CERS3: variants seen among roughly 807,000 people sequenced by gnomAD.
CERS3 encodes LAG1 homolog, ceramide synthase 3.
A neutral mutation model predicts 50.3 loss-of-function variants in CERS3; 33 were observed. The observed-to-expected ratio is 0.66, with a 90% CI of 0.50 to 0.88. CERS3 has a LOEUF of 0.88. CERS3 is among the 40% of genes least tolerant of loss of function. CERS3 has a pLI of 0.00. For synonymous variants in CERS3, 176 were observed against 155.2 expected, an observed-to-expected ratio of 1.13 and a Z score of -0.99; for missense variants, 470 against 460.3, an observed-to-expected ratio of 1.02 and a Z score of -0.19.
intron 11 of CERS3, among the ~76,000 whole-genome samples, chr15:100,410,813 G>C (rs568208751): frequency 6.6e-6 from 1 of 152,146 alleles, no homozygotes; most frequent in Admixed American, 6.5e-5. Flanking sequence ...AATTTCTGTG[G>C]CAAAATGCAC....
chr15:100,488,571 A>G (rs773999107), intron 4 of CERS3, among the ~76,000 whole-genome samples: 1 of 151,748 alleles, frequency 6.6e-6, no homozygotes, highest in Non-Finnish European at 1.5e-5. Flanking sequence ...TAAGTCATGA[A>G]CTCTGTCCTC....
chr15:100,417,810 A>C lies in CERS3; in HGVS notation c.1000-14945T>G, dbSNP rs550278345. ...GCAGCCTAACTGAGAGGCACCCCCC[A>C]GCAAGGGCACACTGACACCTCACAC... On this transcript the variant is annotated intron_variant, in intron 11 of 11. Coordinates refer to ENST00000679737, the MANE Select transcript of CERS3 (RefSeq NM_001378789.1). 5.7e-4 allele frequency among the ~76,000 whole-genome samples: 86 copies of C among 151,956 alleles called. 4 individuals carry two copies. Among genetic ancestry groups the C allele is most frequent in the African/African-American group, 2.0e-3 (84 of 41,198 alleles).
intron 11 of CERS3, among the ~76,000 whole-genome samples, chr15:100,412,070 A>C (rs770457702): frequency 1.3e-5 from 2 of 152,116 alleles, no homozygotes; most frequent in Non-Finnish European, 2.9e-5. Flanking sequence ...GGTTACCTTT[A>C]ACTCTGTTGA....
intron 11 of CERS3, among the ~76,000 whole-genome samples, chr15:100,426,893 T>TC (rs1253541360): frequency 2.6e-5 from 4 of 152,166 alleles, no homozygotes; most frequent in Non-Finnish European, 5.9e-5. Context: ...TTATCCCCAA[T>TC]CCCTGCCTTT....
intron 4 of CERS3, among the ~76,000 whole-genome samples, chr15:100,489,667 T>C (rs990982041): frequency 6.6e-6 from 1 of 152,100 alleles, no homozygotes; most frequent in Non-Finnish European, 1.5e-5. Context: ...ATTTGAAACA[T>C]ATAAAGGGAT....
At position 100,446,364 on chromosome 15, in the gene CERS3, G is replaced by GTTTT. The variant is rs11449303; in HGVS notation, c.999+9525_999+9528dup. Among the ~76,000 whole-genome samples the GTTTT allele has an allele frequency of 4.7e-5, 6 of 128,552 alleles. 2 individuals are homozygous for GTTTT. Among genetic ancestry groups the GTTTT allele is most frequent in the Non-Finnish European group, 6.4e-5 (4 of 62,376 alleles). 84.3% of individuals were successfully genotyped at this position (128,552 alleles called of 152,430 possible). ...TTCAGTTCAAGAAGAAACTTCTCAG[G>GTTTT]TTTTTTTTTTTTTTTTTCTTTAGAT... On this transcript the variant is annotated intron_variant, in intron 11 of 11. Coordinates refer to ENST00000679737, the MANE Select transcript of CERS3 (RefSeq NM_001378789.1).
At chr15:100,447,394 G>A (rs2142171992) in intron 11 of CERS3, among the ~76,000 whole-genome samples, 1 of 152,298 alleles carries the variant, frequency 6.6e-6, no homozygotes, top group Non-Finnish European at 1.5e-5. Flanking sequence ...CCAGACCAAA[G>A]CAATGTACAT....
chr15:100,488,531 C>T (rs951089931), intron 4 of CERS3, among the ~76,000 whole-genome samples: 1 of 152,106 alleles, frequency 6.6e-6, no homozygotes, highest in African/African-American at 2.4e-5. Context: ...TATGGTGAGA[C>T]GAGTTTGTTT....
intron 1 of CERS3, among the ~76,000 whole-genome samples, chr15:100,539,349 G>C (rs118153808): frequency 6.6e-6 from 1 of 152,282 alleles, no homozygotes; most frequent in African/African-American, 2.4e-5. Context: ...ACTCTCTGCA[G>C]TACTAATGTA....
chr15:100,465,317 A>G (rs142006919), intron 10 of CERS3, among the ~76,000 whole-genome samples: 59 of 152,298 alleles, frequency 3.9e-4, no homozygotes, highest in African/African-American at 1.3e-3. Context: ...GGATAGAATA[A>G]AGCATCCTCG....
intron 4 of CERS3, among the ~76,000 whole-genome samples, chr15:100,490,101 G>T (rs1227303160): frequency 6.6e-6 from 1 of 152,176 alleles, no homozygotes; most frequent in African/African-American, 2.4e-5. Flanking sequence ...CACTTTTGGA[G>T]AAGTTTTGTT....
intron 11 of CERS3, among the ~76,000 whole-genome samples, chr15:100,449,300 C>T (rs1353031421): frequency 6.6e-6 from 1 of 152,220 alleles, no homozygotes; most frequent in Non-Finnish European, 1.5e-5. Context: ...ACTGCCAACA[C>T]CAATGCAGAC....
chr15:100,441,718 C>T (rs2033688374), intron 11 of CERS3, among the ~76,000 whole-genome samples: 1 of 152,122 alleles, frequency 6.6e-6, no homozygotes. Flanking sequence ...TTTTTCCATC[C>T]TACAAAATCT....
intron 11 of CERS3, among the ~76,000 whole-genome samples, chr15:100,415,974 A>G (rs2031870994): frequency 6.6e-6 from 1 of 152,022 alleles, no homozygotes. Flanking sequence ...ACACCACTGG[A>G]AAAAAATCAC....
intron 1 of CERS3, among the ~76,000 whole-genome samples, chr15:100,537,106 A>G (rs1434508262): frequency 6.6e-6 from 1 of 152,170 alleles, no homozygotes; most frequent in African/African-American, 2.4e-5. Context: ...GAACTGGGAG[A>G]ACTACTTGGG....
At chr15:100,466,775 TC>T (rs1460714756) in intron 10 of CERS3, among the ~76,000 whole-genome samples, 24 of 23,576 alleles carry the variant, frequency 1.0e-3, no homozygotes, top group Non-Finnish European at 1.8e-3. Flanking sequence ...CTTCCTTCCT[TC>T]CTTCCTTCCT....
intron 11 of CERS3, among the ~76,000 whole-genome samples, chr15:100,428,097 G>C (rs2032929157): frequency 6.6e-6 from 1 of 152,180 alleles, no homozygotes. Context: ...TTCTCAGATT[G>C]GGATTACAAC....
intron 3 of CERS3, among the ~76,000 whole-genome samples, chr15:100,499,819 C>T (rs1021528725): frequency 3.9e-5 from 6 of 152,138 alleles, no homozygotes; most frequent in African/African-American, 9.7e-5. Flanking sequence ...AGGAGTCTTT[C>T]GCTGTGAAAG....
intron 3 of CERS3, chr15:100,500,349 T>C (rs1383951478): frequency 2.6e-5 from 4 of 152,116 alleles, no homozygotes; most frequent in African/African-American, 9.7e-5. Flanking sequence ...TAAGAGAGGG[T>C]TGGATTCCTT....
Sources: allele counts gnomAD v4.1 joint callset (sites outside exome capture counted in the v4.1 genomes callset), GRCh38; gene constraint gnomAD v4.1.1; transcripts MANE v1.5; gene names NCBI Gene and HGNC (gene_info 2026-07-23, HGNC 2026-07-21).